Variants in NAALADL2 observed in about 807,000 individuals in gnomAD.
NAALADL2 encodes the protein N-acetylated alpha-linked acidic dipeptidase like 2.
In NAALADL2, 76 loss-of-function variants were observed where a neutral mutation model predicts 87.2. The observed-to-expected ratio is 0.87, with a 90% CI of 0.72 to 1.05. The LOEUF (loss-of-function observed/expected upper bound fraction) is 1.05. NAALADL2 is among the 50% of genes least tolerant of loss of function. NAALADL2 has a pLI of 0.00. For missense variants in NAALADL2, 1,089 were observed against 945.8 expected (o/e 1.15, Z -1.99); for synonymous variants, 354 against 331.0 (o/e 1.07, Z -0.75).
intron 1 of NAALADL2, among the ~76,000 whole-genome samples, chr3:174,888,960 T>C (rs1315150854): frequency 6.6e-6 from 1 of 152,184 alleles, no homozygotes; most frequent in Non-Finnish European, 1.5e-5. Context: ...CAAAAAACTT[T>C]GTCATTGTTT....
chr3:175,688,711 G>A (rs1736653477), intron 11 of NAALADL2, among the ~76,000 whole-genome samples: 1 of 152,076 alleles, frequency 6.6e-6, no homozygotes, highest in Non-Finnish European at 1.5e-5. Flanking sequence ...GGCTAGGAGT[G>A]GAAAAGTACA....
intron 3 of NAALADL2, among the ~76,000 whole-genome samples, chr3:175,251,286 T>C (rs1749024609): frequency 6.6e-6 from 1 of 152,192 alleles, no homozygotes; most frequent in Non-Finnish European, 1.5e-5. Flanking sequence ...TGTGTTTAGT[T>C]CCTTGTTCTT....
At chr3:175,356,286 G>A (rs949777622) in intron 5 of NAALADL2, among the ~76,000 whole-genome samples, 1 of 151,866 alleles carries the variant, frequency 6.6e-6, no homozygotes, top group Admixed American at 6.6e-5. Context: ...CAGCCCCAAA[G>A]AAAAAAATAA....
chr3:175,316,754 A>G (rs1198354325), intron 4 of NAALADL2, among the ~76,000 whole-genome samples: 1 of 152,144 alleles, frequency 6.6e-6, no homozygotes, highest in African/African-American at 2.4e-5. Flanking sequence ...TTTTCTGAAC[A>G]TTTTAGACAA....
At chr3:175,059,897 A>G (rs1458920969) in intron 1 of NAALADL2, 5 of 367,180 alleles carry the variant, frequency 1.4e-5, no homozygotes, top group Admixed American at 3.4e-5. Flanking sequence ...TTCACAGGCA[A>G]TGGGCCAGAG....
chr3:175,754,663 C>T (rs1262686602), intron 12 of NAALADL2, among the ~76,000 whole-genome samples: 2 of 152,090 alleles, frequency 1.3e-5, no homozygotes, highest in Admixed American at 6.5e-5. Flanking sequence ...TTATTTTCTT[C>T]CCTGAAATAC....
rs182943847 is a variant in NAALADL2 at position 175,060,951 on chromosome 3, C to T, written c.44-35839C>T. On this transcript the variant is annotated intron_variant, in intron 1 of 13. Coordinates refer to ENST00000454872, the MANE Select transcript of NAALADL2 (RefSeq NM_207015.3). ...ATCCCAGCTATTTGGGAGGCTGAGG[C>T]AGGAGAATGGCTTGAACCCGGGAGG... is the stretch of plus-strand genomic sequence containing the variant. Among the ~76,000 whole-genome samples, 852 of 152,212 alleles carry T rather than the reference C, an allele frequency of 5.6e-3. 8 individuals carry two copies. Among genetic ancestry groups the T allele is most frequent in the African/African-American group, 0.019 (785 of 41,534 alleles).
intron 1 of NAALADL2, among the ~76,000 whole-genome samples, chr3:174,944,864 C>T (rs1480228010): frequency 6.6e-6 from 1 of 152,056 alleles, no homozygotes; most frequent in Non-Finnish European, 1.5e-5. Flanking sequence ...CCACTGGCTC[C>T]ATGTCACTCC....
chr3:175,151,615 G>A (rs763351738), intron 2 of NAALADL2, among the ~76,000 whole-genome samples: 3 of 151,944 alleles, frequency 2.0e-5, no homozygotes, highest in Non-Finnish European at 4.4e-5. Context: ...GAGCATCATA[G>A]CAAAATGAAA....
intron 9 of NAALADL2, among the ~76,000 whole-genome samples, chr3:175,472,943 A>G (rs181589401): frequency 2.0e-5 from 3 of 152,238 alleles, no homozygotes; most frequent in Non-Finnish European, 4.4e-5. Flanking sequence ...TTTCTGAATG[A>G]GTGGATTATA....
At chr3:175,493,717 C>A (rs906762675) in intron 9 of NAALADL2, among the ~76,000 whole-genome samples, 4 of 152,104 alleles carry the variant, frequency 2.6e-5, no homozygotes, top group African/African-American at 9.7e-5. Context: ...ATAATAGTCA[C>A]CGGTATAACA....
chr3:175,177,350 T>C (rs1400955267), intron 2 of NAALADL2, among the ~76,000 whole-genome samples: 1 of 152,140 alleles, frequency 6.6e-6, no homozygotes, highest in African/African-American at 2.4e-5. Flanking sequence ...TTTTCACACC[T>C]ATTCTCTATC....
At chr3:174,857,176 T>C (rs1342915533), upstream of NAALADL2, among the ~76,000 whole-genome samples, 1 of 152,106 alleles carries the variant, frequency 6.6e-6, no homozygotes, top group African/African-American at 2.4e-5. Context: ...GTGAAGAAGT[T>C]TTTTAGGCAT....
chr3:175,743,607 A>G (rs1163634179), intron 12 of NAALADL2, among the ~76,000 whole-genome samples: 1 of 152,258 alleles, frequency 6.6e-6, no homozygotes, highest in Non-Finnish European at 1.5e-5. Context: ...GTGATGGACC[A>G]AAGTATCTTA....
At chr3:175,388,525 G>T (rs972476649) in intron 5 of NAALADL2, among the ~76,000 whole-genome samples, 4 of 152,036 alleles carry the variant, frequency 2.6e-5, no homozygotes, top group African/African-American at 9.7e-5. Flanking sequence ...GATTGCTAAT[G>T]AAAACACAAC....
In NAALADL2 at chr3:174,813,336, C is replaced by T. The variant is rs1003827303; in HGVS notation, c.-9+75590C>T. ...AAGTTTATGAATTTGTGTTGGGCCA[C>T]GTTTAAAGTGGACCTGGGCCATGGG... On this transcript the variant is annotated intron_variant, in intron 3 of 3. Transcript: ENST00000434257. 2.2e-4 allele frequency among the ~76,000 whole-genome samples: 15 copies of T among 69,304 alleles called. No individual in the cohort carries two copies. In the East Asian group the frequency reaches 2.5e-3, roughly 11 times the overall value. 45.5% of individuals were successfully genotyped at this position (69,304 alleles called of 152,430 possible). A position where few individuals can be genotyped will look rare whatever the true frequency, so the allele number is the denominator to read the frequency against.
intron 9 of NAALADL2, among the ~76,000 whole-genome samples, chr3:175,543,006 A>T (rs181096917): frequency 1.3e-5 from 2 of 152,256 alleles, no homozygotes; most frequent in Admixed American, 1.3e-4. Context: ...GCCTTATGTA[A>T]TGTTGCTTCA....
intron 1 of NAALADL2, among the ~76,000 whole-genome samples, chr3:174,882,622 T>TAACAC: frequency 7.7e-6 from 1 of 130,700 alleles, no homozygotes; most frequent in Middle Eastern, 4.8e-3. Flanking sequence ...TGCATATGCA[T>TAACAC]ATATGTGCAT....
At chr3:174,921,984 CAT>C (rs1292928731) in intron 1 of NAALADL2, among the ~76,000 whole-genome samples, 1 of 151,640 alleles carries the variant, frequency 6.6e-6, no homozygotes, top group African/African-American at 2.4e-5. Flanking sequence ...ATGAAAAAAA[CAT>C]ATGTATGAGA....
Sources: gnomAD v4.1 joint callset for allele counts (sites outside exome capture counted in the v4.1 genomes callset) on GRCh38, gnomAD v4.1.1 for gene constraint, MANE v1.5 for transcripts, NCBI Gene and HGNC (gene_info 2026-07-23, HGNC 2026-07-21) for gene names.